STIM1: variants seen among roughly 807,000 people sequenced by gnomAD.
STIM1 encodes the protein stromal interaction molecule 1.
In STIM1, 25 loss-of-function variants were observed where a neutral mutation model predicts 74.7. The ratio of observed to expected loss-of-function variants is 0.33; its 90% CI spans 0.24 to 0.47. The LOEUF (loss-of-function observed/expected upper bound fraction) is 0.47. STIM1 is among the 20% of genes least tolerant of loss of function. The pLI is 1.00. For missense variants in STIM1, 728 were observed against 920.8 expected, an observed-to-expected ratio of 0.79 and a Z score of 2.71; for synonymous variants, 328 against 348.8, an observed-to-expected ratio of 0.94 and a Z score of 0.66.
At chr11:3,972,458 ATT>A (rs2093405569) in intron 2 of STIM1, among the ~76,000 whole-genome samples, 1 of 152,038 alleles carries the variant, frequency 6.6e-6, no homozygotes, top group African/African-American at 2.4e-5. Context: ...ATTCATTTTC[ATT>A]TCTTTTTTTT....
chr11:3,903,022 A>C (rs554016213), intron 1 of STIM1, among the ~76,000 whole-genome samples: 8 of 152,342 alleles, frequency 5.3e-5, no homozygotes, highest in Non-Finnish European at 7.4e-5. Flanking sequence ...ACCATGTGCC[A>C]GGTACTATTC....
At chr11:3,972,660 T>C (rs1166734224) in intron 2 of STIM1, among the ~76,000 whole-genome samples, 1 of 152,184 alleles carries the variant, frequency 6.6e-6, no homozygotes, top group Admixed American at 6.5e-5. Flanking sequence ...CTATACACAT[T>C]AATATTGTCT....
chr11:3,913,604 C>G (rs1322641943), intron 1 of STIM1, among the ~76,000 whole-genome samples: 3 of 152,148 alleles, frequency 2.0e-5, no homozygotes, highest in Non-Finnish European at 2.9e-5. Context: ...CTGGATGATT[C>G]CCTGAACTCT....
chr11:3,965,321 T>C (rs908649055), intron 1 of STIM1, among the ~76,000 whole-genome samples: 1 of 152,274 alleles, frequency 6.6e-6, no homozygotes, highest in Non-Finnish European at 1.5e-5. Flanking sequence ...ATTATGATCC[T>C]TTCTATCATG....
At chr11:3,896,912 G>C (rs540341302) in intron 1 of STIM1, among the ~76,000 whole-genome samples, 10 of 152,268 alleles carry the variant, frequency 6.6e-5, no homozygotes, top group African/African-American at 2.4e-4. Context: ...AGAGCTGTGC[G>C]AAGATTAAGA....
At chr11:4,023,054 G>T (rs1443897350) in intron 2 of STIM1, among the ~76,000 whole-genome samples, 1 of 152,136 alleles carries the variant, frequency 6.6e-6, no homozygotes, top group Non-Finnish European at 1.5e-5. Flanking sequence ...CAGTCGGCCG[G>T]GTATGGTGGC....
intron 2 of STIM1, among the ~76,000 whole-genome samples, chr11:3,996,885 T>C (rs914806632): frequency 1.3e-5 from 2 of 152,244 alleles, no homozygotes; most frequent in African/African-American, 4.8e-5. Context: ...TCCAGTGCTA[T>C]GCATTCAGCC....
At chr11:4,042,028 A>G (rs1326783421) in intron 3 of STIM1, among the ~76,000 whole-genome samples, 1 of 152,196 alleles carries the variant, frequency 6.6e-6, no homozygotes, top group Non-Finnish European at 1.5e-5. Context: ...TGAGATGTGG[A>G]TTTGAAACCA....
chr11:4,017,083 T>G (rs1246114470), intron 2 of STIM1, among the ~76,000 whole-genome samples: 7 of 152,206 alleles, frequency 4.6e-5, no homozygotes, highest in Non-Finnish European at 1.0e-4. Flanking sequence ...CTGCACCCAC[T>G]GTCCAACCAG....
intron 3 of STIM1, among the ~76,000 whole-genome samples, chr11:4,054,919 C>G (rs768122547): frequency 6.6e-6 from 1 of 152,114 alleles, no homozygotes. Flanking sequence ...TTCTCTGTGC[C>G]GTATGTATTT....
At chr11:4,027,772 G>T (rs1004822932) in intron 3 of STIM1, among the ~76,000 whole-genome samples, 1 of 152,206 alleles carries the variant, frequency 6.6e-6, no homozygotes, top group Non-Finnish European at 1.5e-5. Context: ...GGGAGTGTGT[G>T]TGTAGGGTTT....
chr11:4,017,177 C>T (rs539027004), intron 2 of STIM1, among the ~76,000 whole-genome samples: 12 of 152,316 alleles, frequency 7.9e-5, no homozygotes, highest in East Asian at 1.9e-4. Flanking sequence ...AGCTGTAGAC[C>T]GGAGCTGTTC....
chr11:3,983,821 C>T (rs1400015074), intron 2 of STIM1, among the ~76,000 whole-genome samples: 2 of 152,060 alleles, frequency 1.3e-5, no homozygotes, highest in Non-Finnish European at 2.9e-5. Context: ...CCTGGAGCTA[C>T]TGCTGCTGCT....
chr11:3,973,809 G>A (rs1390865235), intron 2 of STIM1: 3 of 349,546 alleles, frequency 8.6e-6, no homozygotes, highest in African/African-American at 2.1e-5. Flanking sequence ...TACCTCCCAG[G>A]CTCAAACGAT....
In STIM1 at chr11:3,861,513, G is replaced by A. The variant is rs1305054352; in HGVS notation, c.139+5104G>A. Among the ~76,000 whole-genome samples the A allele has an allele frequency of 2.6e-5, 4 of 152,274 alleles. No individual in the cohort carries two copies. In the East Asian group the frequency reaches 5.8e-4, roughly 22 times the overall value. On this transcript the variant is annotated intron_variant, in intron 1 of 12. Transcript: ENST00000526596. ...CCTCCCAAAGTGTGGGATTACAGGC[G>A]TGAGCCACCGCGCCTGGCCTCTATT...
intron 2 of STIM1, among the ~76,000 whole-genome samples, chr11:3,988,147 T>G (rs1410381837): frequency 6.6e-6 from 1 of 152,128 alleles, no homozygotes; most frequent in East Asian, 1.9e-4. Flanking sequence ...TCAGGGTGTT[T>G]GAAAGCCATG....
At chr11:3,902,571 A>G (rs774224614) in intron 1 of STIM1, among the ~76,000 whole-genome samples, 1 of 152,218 alleles carries the variant, frequency 6.6e-6, no homozygotes, top group Non-Finnish European at 1.5e-5. Flanking sequence ...TGAGAACCTA[A>G]TGCTGCCACT....
intron 2 of STIM1, chr11:3,989,345 C>G (rs977709422): frequency 4.9e-6 from 4 of 823,942 alleles, no homozygotes; most frequent in East Asian, 2.4e-5. Context: ...TTTGCTGCTG[C>G]CTTTTTCGGC....
intron 2 of STIM1, among the ~76,000 whole-genome samples, chr11:3,975,245 C>T (rs1176525371): frequency 6.6e-6 from 1 of 152,154 alleles, no homozygotes; most frequent in Non-Finnish European, 1.5e-5. Flanking sequence ...ACCATTGCAG[C>T]GTTGTTGTCA....
Sources: allele counts gnomAD v4.1 joint callset (sites outside exome capture counted in the v4.1 genomes callset), GRCh38; gene constraint gnomAD v4.1.1; transcripts MANE v1.5; gene names NCBI Gene and HGNC (gene_info 2026-07-23, HGNC 2026-07-21).